The following CPSF3 variants were observed in gnomAD, a reference collection of about 807,000 sequenced individuals.
CPSF3 encodes the protein cleavage and polyadenylation specific factor 3.
Under a neutral mutation model 84.1 loss-of-function variants are expected in CPSF3, and 57 were observed. The observed-to-expected ratio is 0.68, with a 90% CI of 0.55 to 0.85. The LOEUF is 0.85. CPSF3 is among the 40% of genes least tolerant of loss of function. The pLI, the probability that CPSF3 is intolerant of heterozygous loss-of-function variation, is 0.00. For missense variants in CPSF3, 522 were observed against 838.8 expected, an observed-to-expected ratio of 0.62 and a Z score of 4.66; for synonymous variants, 275 against 278.1, an observed-to-expected ratio of 0.99 and a Z score of 0.11.
At position 9,436,054 on chromosome 2, in the gene CPSF3, G is replaced by A. The variant is rs914096921; in HGVS notation, c.610-157G>A. On this transcript the variant is annotated intron_variant, in intron 6 of 17. Coordinates refer to ENST00000238112, the MANE Select transcript of CPSF3 (RefSeq NM_016207.4). Reference sequence around the variant, plus strand: ...GGCCTGAATTCTAGCATTCTTGCTTGCTCTTCCCAATTACTATTATGACAA... The same window carrying A: ...GGCCTGAATTCTAGCATTCTTGCTTACTCTTCCCAATTACTATTATGACAA... 6.6e-5 allele frequency among the ~76,000 whole-genome samples: 10 copies of A among 152,254 alleles called. No homozygotes were observed. The East Asian group carries it at 1.9e-3, about 29-fold the overall frequency.
At chr2:9,439,866 C>T (rs1572777690) in intron 7 of CPSF3, among the ~76,000 whole-genome samples, 2 of 152,058 alleles carry the variant, frequency 1.3e-5, no homozygotes, top group African/African-American at 4.8e-5. Flanking sequence ...CCTGTAGTCA[C>T]AGCTCAGAAG....
At chr2:9,450,312 C>A (rs531818419) in intron 11 of CPSF3, among the ~76,000 whole-genome samples, 24 of 151,960 alleles carry the variant, frequency 1.6e-4, no homozygotes. Flanking sequence ...CCACCACGCC[C>A]GGCTAATTTT....
chr2:9,430,837 A>G lies in CPSF3; in HGVS notation c.298A>G (p.Lys100Glu). ...AAGAACATTTATGACTCATGCCACA[A>G]AAGCTATTTATAGATGGCTTCTTTC... ...KGRTFMTHAT[K>E]AIYRWLLSDY... Residue 100 changes from lysine to glutamate, a missense_variant, in exon 4 of 18, where the codon AAA (lysine) becomes GAA (glutamate). Transcript: ENST00000238112. 1 of 1,613,260 alleles carries G rather than the reference A, an allele frequency of 6.2e-7. No individual in the cohort carries two copies. The highest frequency in any genetic ancestry group is 8.5e-7 in the Non-Finnish European group (1 of 1,179,248).
chr2:9,439,109 G>A (rs889181637), intron 7 of CPSF3, among the ~76,000 whole-genome samples: 6 of 152,104 alleles, frequency 3.9e-5, no homozygotes, highest in Non-Finnish European at 7.3e-5. Context: ...GACAAAGCAG[G>A]AAATTTGTAA....
intron 5 of CPSF3, 148 bp downstream of exon 5, chr2:9,432,836 C>A (rs988059694): frequency 8.2e-5 from 48 of 586,440 alleles, no homozygotes; most frequent in Non-Finnish European, 1.2e-4. Context: ...ACGCTTGTTC[C>A]TTTTAAATAT....
At chr2:9,459,785 G>T (rs886395127) in intron 15 of CPSF3, among the ~76,000 whole-genome samples, 167 bp downstream of exon 15, 1 of 151,474 alleles carries the variant, frequency 6.6e-6, no homozygotes, top group Admixed American at 6.6e-5. Context: ...AAGGTGTTGG[G>T]ATTATAGATG....
At chr2:9,464,161 A>C (rs1681826676) in intron 15 of CPSF3, among the ~76,000 whole-genome samples, 2 of 152,096 alleles carry the variant, frequency 1.3e-5, no homozygotes, top group Admixed American at 6.6e-5. Context: ...TTCAAAATAC[A>C]TTATTTTGTT....
chr2:9,466,035 C>G (rs1178291428), intron 15 of CPSF3, among the ~76,000 whole-genome samples: 13 of 152,138 alleles, frequency 8.5e-5, no homozygotes, highest in Admixed American at 8.5e-4. Context: ...CCACAATCAA[C>G]TTTAAAACAT....
In CPSF3 at chr2:9,436,388, G is replaced by A. The variant is rs763653441; in HGVS notation, c.760+27G>A. 5.1e-6 allele frequency: 8 copies of A among 1,579,922 alleles called. No homozygotes were observed. In the Admixed American group the frequency reaches 7.4e-5, roughly 15 times the overall value. On this transcript the variant is annotated intron_variant, in intron 7 of 17. Coordinates refer to ENST00000238112, the MANE Select transcript of CPSF3 (RefSeq NM_016207.4). The stretch of plus-strand genomic sequence containing the variant: ...TATGCCATTTCCTTTGTATTTAGGC[G>A]ATGATCAAAATCTTGTCATTTTATC...
At chr2:9,466,352 GCACACACA>G (rs1197055357) in intron 15 of CPSF3, among the ~76,000 whole-genome samples, 20 of 129,150 alleles carry the variant, frequency 1.5e-4, no homozygotes, top group African/African-American at 4.5e-4. Flanking sequence ...GCGCGCGCGC[GCACACACA>G]CACGCACACA....
intron 15 of CPSF3, among the ~76,000 whole-genome samples, chr2:9,463,775 C>T (rs2124864003): frequency 6.6e-6 from 1 of 152,350 alleles, no homozygotes; most frequent in East Asian, 1.9e-4. Flanking sequence ...CCTAGCCCGC[C>T]TGCTTTGGTA....
chr2:9,455,618 G>A (rs1258845677), intron 12 of CPSF3, 41 bp from the exon 13 acceptor site: 1 of 1,350,282 alleles, frequency 7.4e-7, no homozygotes, highest in Non-Finnish European at 1.1e-6. Context: ...GTGTTTTGTA[G>A]GACTAGTATT....
intron 11 of CPSF3, among the ~76,000 whole-genome samples, chr2:9,451,407 G>A (rs1165332005): frequency 6.6e-6 from 1 of 152,114 alleles, no homozygotes; most frequent in Non-Finnish European, 1.5e-5. Flanking sequence ...AACAAGTATG[G>A]AACACACTAC....
intron 13 of CPSF3, 41 bp from the exon 14 acceptor site, chr2:9,456,892 C>A: frequency 8.3e-7 from 1 of 1,206,290 alleles, no homozygotes; most frequent in Non-Finnish European, 1.2e-6. Context: ...GGAAGATTAT[C>A]AGAAAAGTAT....
At chr2:9,444,724 G>C (rs1424284198) in intron 10 of CPSF3, among the ~76,000 whole-genome samples, 2 of 152,022 alleles carry the variant, frequency 1.3e-5, no homozygotes, top group African/African-American at 4.8e-5. Flanking sequence ...GAGTGCAGTG[G>C]CGCCAATCTC....
chr2:9,436,449 C>G, intron 7 of CPSF3, 88 bp downstream of exon 7: 1 of 1,353,636 alleles, frequency 7.4e-7, no homozygotes, highest in South Asian at 1.5e-5. Flanking sequence ...GTCATTCCAC[C>G]GTTCTGGACT....
intron 10 of CPSF3, among the ~76,000 whole-genome samples, chr2:9,444,099 T>TA (rs1681043658): frequency 1.3e-5 from 2 of 150,246 alleles, no homozygotes; most frequent in Middle Eastern, 3.5e-3. Flanking sequence ...CTAAAGCACT[T>TA]AATATGGTGC....
chr2:9,443,476 T>G, intron 9 of CPSF3, 39 bp from the exon 10 acceptor site: 1 of 1,585,866 alleles, frequency 6.3e-7, no homozygotes, highest in Non-Finnish European at 8.6e-7. Context: ...CGATTATAAC[T>G]GGGTAGTTTG....
In CPSF3 at chr2:9,467,770, T is replaced by A. The variant is rs1373392603; in HGVS notation, c.1850T>A (p.Met617Lys). The change falls in exon 16 of 18, where the codon ATG becomes AAG. Residue 617 changes from methionine to lysine, a missense_variant. Around this residue, in one of 2 missense-constraint regions of CPSF3, gnomAD observed 193 missense variants for 231.6 expected, o/e 0.83. Transcript: ENST00000238112. ...MHVYSKRLEI[M>K]LQDIFGEDCV... ...GTTTACAGCAAGAGGTTGGAGATCA[T>A]GCTCCAGTAAGTTTTTCACCCATTA... The A allele has an allele frequency of 6.2e-7, 1 of 1,605,516 alleles. No individual in the cohort carries two copies. Among genetic ancestry groups the A allele is most frequent in the Non-Finnish European group, 8.5e-7 (1 of 1,174,642 alleles).
Sources: gnomAD v4.1 joint callset for allele counts (sites outside exome capture counted in the v4.1 genomes callset) on GRCh38, gnomAD v4.1.1 for gene constraint, gnomAD v4.1.1 regional missense constraint, MANE v1.5 for transcripts, NCBI Gene and HGNC (gene_info 2026-07-23, HGNC 2026-07-21) for gene names.